The following RELA variants were observed in gnomAD, a reference collection of about 807,000 sequenced individuals.
The protein encoded by RELA is RELA proto-oncogene, NF-kB subunit.
Under a neutral mutation model 56.7 loss-of-function variants are expected in RELA, and 14 were observed. That is an observed-to-expected ratio of 0.25 (90% CI 0.16 to 0.39). The LOEUF (loss-of-function observed/expected upper bound fraction) is 0.39. Among genes scored for constraint, RELA ranks in the 10% least tolerant of loss-of-function variants. The pLI is 1.00. For synonymous variants in RELA, 315 were observed against 289.7 expected (o/e 1.09, Z -0.89); for missense variants, 559 against 736.4 (o/e 0.76, Z 2.79).
At chr11:65,656,383 T>C (rs1856429246) in intron 8 of RELA, among the ~76,000 whole-genome samples, 1 of 152,192 alleles carries the variant, frequency 6.6e-6, no homozygotes, top group Non-Finnish European at 1.5e-5. Flanking sequence ...TAGTCAGAGC[T>C]TTCAGAACTG....
At position 65,655,089 on chromosome 11, in the gene RELA, C is replaced by G. The variant is rs551166775; in HGVS notation, c.1034-89G>C. On this transcript the variant is annotated intron_variant, in intron 10 of 10. Transcript: ENST00000406246. ...TACCCCAGCCCCTCTTCATGGTGCT[C>G]AGGCTCAATCCCTCTCTAGGGAGTC... 6.8e-6 allele frequency: 7 copies of G among 1,029,506 alleles called. No individual in the cohort carries two copies. In the South Asian group the frequency reaches 7.2e-5, roughly 11 times the overall value. The allele number at this position is 1,029,506 out of a possible 1,614,324, so 63.8% of individuals were successfully genotyped here.
chr11:65,659,969 C>T lies in RELA; in HGVS notation c.427+155G>A, dbSNP rs144535623. 1.1e-4 allele frequency: 123 copies of T among 1,147,026 alleles called. No homozygotes were observed. The African/African-American group carries it at 1.8e-3, about 16-fold the overall frequency. 71.1% of individuals were successfully genotyped at this position (1,147,026 alleles called of 1,614,324 possible). A position where few individuals can be genotyped will look rare whatever the true frequency, so the allele number is the denominator to read the frequency against. On this transcript the variant is annotated intron_variant, in intron 5 of 10. Coordinates refer to ENST00000406246, the MANE Select transcript of RELA (RefSeq NM_021975.4). ...CTGTGGCCTGAATGTCATGTCCCCTCCTGGGACTCAGTTTCCCAGTGGTAA... is the reference window on the plus strand; with the variant it reads ...CTGTGGCCTGAATGTCATGTCCCCTTCTGGGACTCAGTTTCCCAGTGGTAA...
intron 6 of RELA, 108 bp downstream of exon 6, chr11:65,659,558 G>T: frequency 7.2e-7 from 1 of 1,386,208 alleles, no homozygotes; most frequent in Non-Finnish European, 1.0e-6. Flanking sequence ...AAATACGCAA[G>T]ATGATTGAAT....
chr11:65,661,116 C>T (rs1856554586), intron 4 of RELA, among the ~76,000 whole-genome samples: 1 of 151,780 alleles, frequency 6.6e-6, no homozygotes, highest in Non-Finnish European at 1.5e-5. Flanking sequence ...CTTGCCGCAG[C>T]AGTGACCTCC....
At position 65,654,845 on chromosome 11, in the gene RELA, G is replaced by A. The variant is rs749937116; in HGVS notation, c.1189C>T (p.Pro397Ser). 1 of 1,558,450 alleles carries A rather than the reference G, an allele frequency of 6.4e-7. No homozygotes were observed. Among genetic ancestry groups the A allele is most frequent in the South Asian group, 1.2e-5 (1 of 85,252 alleles). Residue 397 changes from proline (P) to serine (S), a missense_variant, in exon 11 of 11, where the codon CCA becomes TCA. Physicochemically the swap from Pro to Ser is moderately conservative, Grantham distance 74. Transcript: ENST00000406246. ...TGGGCCAGAGCTGATACCATGGCTG[G>A]AGCAGGGGCAGGGGCTGGAGCCTGG... is the stretch of plus-strand genomic sequence containing the variant. ...LPQAPAPAPAPAMVSALAQAP... is the reference protein window; with the variant it reads ...LPQAPAPAPASAMVSALAQAP...
chr11:65,662,447 G>A lies in RELA; in HGVS notation c.8-242C>T, dbSNP rs1856596336. The A allele has an allele frequency of 5.8e-6, 3 of 515,670 alleles. No homozygotes were observed. In the Admixed American group the frequency reaches 1.2e-4, roughly 20 times the overall value. The allele number at this position is 515,670 out of a possible 1,614,324, so 31.9% of individuals were successfully genotyped here. On this transcript the variant is annotated intron_variant, in intron 1 of 10. Transcript: ENST00000406246. The stretch of plus-strand genomic sequence containing the variant: ...GAGGGAAGCTGAATCAGGGCCTGTT[G>A]TACTTTCTTAAGGAAAATTGAGGGA...
Position 65,654,323 on chromosome 11 carries a change from G to C in RELA, c.*55C>G. On this transcript the variant is annotated 3_prime_UTR_variant, in exon 11 of 11. Coordinates refer to ENST00000406246, the MANE Select transcript of RELA (RefSeq NM_021975.4). ...CCCACCAGAATCCGTAAGTGCTTTT[G>C]GAGGGCTTCAATCCCCTGCAACCCA... 1 of 1,611,954 alleles carries C rather than the reference G, an allele frequency of 6.2e-7. No homozygotes were observed. The highest frequency in any genetic ancestry group is 8.5e-7 in the Non-Finnish European group (1 of 1,178,998).
chr11:65,658,478 G>A lies in RELA; in HGVS notation c.686C>T (p.Thr229Met), dbSNP rs756811835. 1.7e-5 allele frequency: 28 copies of A among 1,609,810 alleles called. No individual in the cohort carries two copies. Among genetic ancestry groups the A allele is most frequent in the East Asian group, 2.2e-5 (1 of 44,818 alleles). ...VQKEDIEVYF[T>M]GPGWEARGSF... ...GCCTCGGGCCTCCCAGCCTGGTCCCGTGAAATACACCTCAATGTCCTCTGC... is the reference window on the plus strand; with the variant it reads ...GCCTCGGGCCTCCCAGCCTGGTCCCATGAAATACACCTCAATGTCCTCTGC... The change falls in exon 8 of 11, where the codon ACG becomes ATG. Residue 229 changes from threonine (T) to methionine (M), a missense_variant. Transcript: ENST00000406246. The surrounding 1 kb of genome is among the most constrained non-coding windows in gnomAD (Gnocchi z 4.5).
chr11:65,660,350 C>T, intron 4 of RELA, 135 bp from the exon 5 acceptor site: 1 of 757,074 alleles, frequency 1.3e-6, no homozygotes. Context: ...TGGCTTCCTA[C>T]TGTGCTGCAA....
chr11:65,662,093 C>T lies in RELA; in HGVS notation c.35-5G>A, dbSNP rs375580666. On this transcript the variant is annotated splice_polypyrimidine_tract_variant and splice_region_variant and intron_variant, in intron 2 of 10. Coordinates refer to ENST00000406246, the MANE Select transcript of RELA (RefSeq NM_021975.4). The stretch of plus-strand genomic sequence containing the variant: ...GGCCAGAGGCCTGGGCTGGCTCTGC[C>T]AGGGGACACCGCAGCCCCATTAGGC... The T allele has an allele frequency of 6.8e-5, 110 of 1,608,990 alleles. No individual in the cohort carries two copies. The highest frequency in any genetic ancestry group is 8.8e-5 in the Non-Finnish European group (104 of 1,178,128).
chr11:65,660,730 T>A (rs2135567728), intron 4 of RELA: 1 of 157,346 alleles, frequency 6.4e-6, no homozygotes, highest in Non-Finnish European at 1.4e-5. Flanking sequence ...TCTGTGTATT[T>A]ATTTATTTTT....
chr11:65,659,026 C>G (rs1856498376), intron 6 of RELA, among the ~76,000 whole-genome samples: 1 of 152,222 alleles, frequency 6.6e-6, no homozygotes, highest in Non-Finnish European at 1.5e-5. Flanking sequence ...GCACTCAACA[C>G]TGATCTAAGC....
At chr11:65,655,246 A>T (rs1004723280) in intron 10 of RELA, 1 of 578,910 alleles carries the variant, frequency 1.7e-6, no homozygotes, top group African/African-American at 1.9e-5. Flanking sequence ...CTTTTAGAGG[A>T]AGGGACACTT....
In RELA at chr11:65,654,378, T is replaced by C. The variant is rs1169973243; in HGVS notation, c.1656A>G (p.Ter552=). The change falls in exon 11 of 11, where the codon TAA becomes TAG. Residue 552 remains the stop codon, a stop_retained_variant. Coordinates refer to ENST00000406246, the MANE Select transcript of RELA (RefSeq NM_021975.4). ...TCTGGGGAGGGCAGGCGTCACCCCC[T>C]TAGGAGCTGATCTGACTCAGCAGGG... ...FSALLSQISS[*] 2 of 1,613,640 alleles carry C rather than the reference T, an allele frequency of 1.2e-6. No individual in the cohort carries two copies. Among genetic ancestry groups the C allele is most frequent in the South Asian group, 2.2e-5 (2 of 90,984 alleles).
chr11:65,657,652 A>G (rs1856463762), intron 8 of RELA, among the ~76,000 whole-genome samples: 1 of 152,084 alleles, frequency 6.6e-6, no homozygotes, highest in South Asian at 2.1e-4. Context: ...TCCAGCTTCA[A>G]TGCCACCTTC....
chr11:65,659,892 T>G, intron 5 of RELA, 95 bp from the exon 6 acceptor site: 8 of 1,464,622 alleles, frequency 5.5e-6, no homozygotes, highest in Non-Finnish European at 7.3e-6. Flanking sequence ...GGGCCGCTGG[T>G]GCGTGTGTGA....
chr11:65,658,264 A>T lies in RELA; in HGVS notation c.877+23T>A, dbSNP rs1267504889. 2 of 1,546,382 alleles carry T rather than the reference A, an allele frequency of 1.3e-6. No homozygotes were observed. Among genetic ancestry groups the T allele is most frequent in the Non-Finnish European group, 1.8e-6 (2 of 1,138,708 alleles). ...CACGGCACAGAGCCCAGCTGCCCTG[A>T]TGCTGCCACCCCAGCTGTGTACCTG... On this transcript the variant is annotated intron_variant, in intron 8 of 10. Transcript: ENST00000406246. This position sits in a 1 kb window ranked among gnomAD's most constrained non-coding sequence, Gnocchi z 4.5.
rs1000687043 is a variant in RELA, at chr11:65,658,671, C to T, written c.664+47G>A. The T allele has an allele frequency of 6.4e-7, 1 of 1,556,610 alleles. No individual in the cohort carries two copies. Among genetic ancestry groups the T allele is most frequent in the Non-Finnish European group, 8.9e-7 (1 of 1,128,458 alleles). Reference sequence around the variant, plus strand: ...CCTGACACTCCACTTCTCTGCTCAGCTTCACCCCTTGCTCCCAAGAGCCCA... The same window carrying T: ...CCTGACACTCCACTTCTCTGCTCAGTTTCACCCCTTGCTCCCAAGAGCCCA... On this transcript the variant is annotated intron_variant, in intron 7 of 10. Coordinates refer to ENST00000406246, the MANE Select transcript of RELA (RefSeq NM_021975.4). This position sits in a 1 kb window ranked among gnomAD's most constrained non-coding sequence, Gnocchi z 4.5.
Position 65,655,552 on chromosome 11 carries a change from G to A in RELA, c.1033+136C>T, listed in dbSNP as rs184223652. On this transcript the variant is annotated intron_variant, in intron 10 of 10. Transcript: ENST00000406246. ...GTGTGCATTAGCATCCCAGGAAGTC[G>A]CTGGTTCCTGCGCCATCCTTTCAAA... 670 of 813,606 alleles carry A rather than the reference G, an allele frequency of 8.2e-4. 2 individuals carry two copies. The East Asian group carries it at 8.9e-3, about 11-fold the overall frequency. 50.4% of individuals were successfully genotyped at this position (813,606 alleles called of 1,614,324 possible).
Sources: gnomAD v4.1 joint callset for allele counts (sites outside exome capture counted in the v4.1 genomes callset) on GRCh38, gnomAD v4.1.1 for gene constraint, Gnocchi (gnomAD v3.1) non-coding constraint, MANE v1.5 for transcripts, NCBI Gene and HGNC (gene_info 2026-07-23, HGNC 2026-07-21) for gene names.